Variants in RASSF8 observed in about 807,000 individuals in gnomAD.
RASSF8 encodes ras association domain-containing protein 8.
RASSF8 carries 22 observed loss-of-function variants against 48.5 expected under a neutral mutation model. The ratio of observed to expected loss-of-function variants is 0.45; its 90% confidence interval spans 0.32 to 0.65. The LOEUF (loss-of-function observed/expected upper bound fraction) is 0.65, where lower values mean the gene tolerates loss of function less well. Among genes scored for constraint, RASSF8 ranks in the 30% least tolerant of loss-of-function variants. The pLI is 0.03. For missense variants in RASSF8, 418 were observed against 489.2 expected (o/e 0.85, Z 1.37); for synonymous variants, 127 against 171.5 (o/e 0.74, Z 2.03).
chr12:26,015,327 G>T (rs566509998), intron 2 of RASSF8, among the ~76,000 whole-genome samples: 51 of 152,302 alleles, frequency 3.3e-4, no homozygotes, highest in East Asian at 1.7e-3. Flanking sequence ...GGAGATCAGG[G>T]TTGGAATGTT....
At chr12:26,068,612 G>A in intron 5 of RASSF8, 85 bp from the exon 6 acceptor site, 6 of 1,086,462 alleles carry the variant, frequency 5.5e-6, no homozygotes, top group East Asian at 2.6e-5. Flanking sequence ...TTCCCTTTTG[G>A]GGTAGGAAGC....
intron 1 of RASSF8, among the ~76,000 whole-genome samples, chr12:25,961,813 C>A (rs1269800132): frequency 6.6e-6 from 1 of 152,172 alleles, no homozygotes; most frequent in Non-Finnish European, 1.5e-5. Context: ...TTCATCTCAT[C>A]CATCCAAGGA....
chr12:26,053,793 G>A (rs1943545052), intron 2 of RASSF8, among the ~76,000 whole-genome samples: 1 of 152,154 alleles, frequency 6.6e-6, no homozygotes, highest in Admixed American at 6.5e-5. Flanking sequence ...AAAGCAAAGT[G>A]CTAGGAGATT....
intron 2 of RASSF8, among the ~76,000 whole-genome samples, chr12:26,028,147 G>A (rs999286900): frequency 1.3e-5 from 2 of 152,086 alleles, no homozygotes; most frequent in Non-Finnish European, 2.9e-5. Flanking sequence ...ATTTGAGACT[G>A]TATAAATTTA....
chr12:26,011,943 G>A (rs1031428850), intron 2 of RASSF8: 1 of 152,206 alleles, frequency 6.6e-6, no homozygotes, highest in Middle Eastern at 3.4e-3. Context: ...TTAAAGCTTT[G>A]TTATTTTATG....
At chr12:26,073,251 C>A (rs7133818), downstream of RASSF8, among the ~76,000 whole-genome samples, 3,720 of 152,284 alleles carry the variant, frequency 0.024, 152 homozygotes, top group African/African-American at 0.084. Context: ...AATCACACAA[C>A]CCCTAAGTAA....
chr12:26,069,347 G>C lies in RASSF8; in HGVS notation c.*529G>C. ...TGTCCTAGGGTGCTCCACCATCGAA[G>C]CTAACTCCACAGGAAGCCACTTGCA... is the stretch of plus-strand genomic sequence containing the variant. On this transcript the variant is annotated 3_prime_UTR_variant, in exon 6 of 6. Coordinates refer to ENST00000689635, the MANE Select transcript of RASSF8 (RefSeq NM_001394098.1). 1.0e-6 allele frequency: 1 copy of C among 985,012 alleles called. No homozygotes were observed. The highest frequency in any genetic ancestry group is 1.2e-6 in the Non-Finnish European group (1 of 829,552). 61.0% of individuals were successfully genotyped at this position (985,012 alleles called of 1,614,324 possible). A position where few individuals can be genotyped will look rare whatever the true frequency, so the allele number is the denominator to read the frequency against.
chr12:26,050,627 A>G (rs1943471264), intron 2 of RASSF8, among the ~76,000 whole-genome samples: 1 of 152,270 alleles, frequency 6.6e-6, no homozygotes, highest in South Asian at 2.1e-4. Context: ...GTGAATTTAA[A>G]GAAAATGCAG....
downstream of RASSF8, among the ~76,000 whole-genome samples, chr12:26,073,746 T>TCTCTACACACACAC (rs10678881): frequency 8.8e-4 from 41 of 46,402 alleles, 1 homozygote; most frequent in African/African-American, 2.9e-3. Flanking sequence ...TCTCTCTCTC[T>TCTCTACACACACAC]ATACACACAC....
chr12:26,010,321 T>C (rs1347647242), intron 2 of RASSF8, among the ~76,000 whole-genome samples: 1 of 152,232 alleles, frequency 6.6e-6, no homozygotes, highest in Non-Finnish European at 1.5e-5. Flanking sequence ...TGAGAGCAGC[T>C]GAAGTTTTTC....
At chr12:26,077,411 C>G (rs1944082034), downstream of RASSF8, among the ~76,000 whole-genome samples, 1 of 152,160 alleles carries the variant, frequency 6.6e-6, no homozygotes, top group South Asian at 2.1e-4. Context: ...ACACTTAAGT[C>G]CTTAATCCAT....
intron 2 of RASSF8, among the ~76,000 whole-genome samples, chr12:26,025,142 C>G (rs774305573): frequency 6.6e-6 from 1 of 152,156 alleles, no homozygotes; most frequent in South Asian, 2.1e-4. Flanking sequence ...CACGCACACA[C>G]GCAGCCAAAA....
intron 2 of RASSF8, among the ~76,000 whole-genome samples, chr12:26,040,269 T>A (rs563714702): frequency 6.6e-6 from 1 of 152,290 alleles, no homozygotes; most frequent in South Asian, 2.1e-4. Flanking sequence ...GCTCCTTGGG[T>A]TGGAACCAGA....
intron 2 of RASSF8, among the ~76,000 whole-genome samples, chr12:26,001,019 C>CGG (rs1303205247): frequency 1.9e-5 from 2 of 107,836 alleles, no homozygotes; most frequent in African/African-American, 7.2e-5. Flanking sequence ...ACTAGGGTCT[C>CGG]TGTCACCCAG....
intron 2 of RASSF8, among the ~76,000 whole-genome samples, chr12:26,027,310 GT>G (rs1274359063): frequency 6.6e-6 from 1 of 152,196 alleles, no homozygotes; most frequent in Non-Finnish European, 1.5e-5. Context: ...CTATCAAGCT[GT>G]ATGCCTTAAA....
chr12:25,959,977 G>A (rs566044050), intron 1 of RASSF8, among the ~76,000 whole-genome samples: 39 of 152,088 alleles, frequency 2.6e-4, no homozygotes, highest in South Asian at 2.3e-3. Context: ...CGAAATGAAT[G>A]CAAATCACGT....
At chr12:25,973,588 T>C (rs1941533516) in intron 1 of RASSF8, among the ~76,000 whole-genome samples, 1 of 152,158 alleles carries the variant, frequency 6.6e-6, no homozygotes, top group Non-Finnish European at 1.5e-5. Flanking sequence ...GAGCCTGCTA[T>C]GGTCTGAATG....
intron 2 of RASSF8, chr12:26,052,913 A>ATGT (rs1181800218): frequency 1.3e-5 from 2 of 152,230 alleles, no homozygotes; most frequent in Non-Finnish European, 2.9e-5. Context: ...ATAGGAAAAT[A>ATGT]TGTGGCAGTA....
chr12:25,958,755 G>GGCGCCCCGCGCC lies in RASSF8; in HGVS notation c.-586_-575dup, dbSNP rs1020235003. On this transcript the variant is annotated 5_prime_UTR_variant, in exon 1 of 6. Transcript: ENST00000689635. ...GCTCCTCCTACGCCCGCGCTCGTCC[G>GGCGCCCCGCGCC]GCGCCCCGCGCCGCGCCCCGCTCAG... Among the ~76,000 whole-genome samples the GGCGCCCCGCGCC allele has an allele frequency of 3.4e-5, 5 of 146,304 alleles. No individual in the cohort carries two copies. Among genetic ancestry groups the GGCGCCCCGCGCC allele is most frequent in the Non-Finnish European group, 4.6e-5 (3 of 65,802 alleles).
Sources: gnomAD v4.1 joint callset for allele counts (sites outside exome capture counted in the v4.1 genomes callset) on GRCh38, gnomAD v4.1.1 for gene constraint, MANE v1.5 for transcripts, NCBI Gene and HGNC (gene_info 2026-07-23, HGNC 2026-07-21) for gene names.